PKNOX1: variants seen among roughly 807,000 people sequenced by gnomAD.
PKNOX1 encodes PBX/knotted 1 homeobox 1.
A neutral mutation model predicts 51.9 loss-of-function variants in PKNOX1; 15 were observed. The ratio of observed to expected loss-of-function variants is 0.29; its 90% CI spans 0.19 to 0.45. The LOEUF (loss-of-function observed/expected upper bound fraction) is 0.45, where lower values mean the gene tolerates loss of function less well. Ranked by LOEUF, PKNOX1 falls within the 20% of genes least tolerant of loss-of-function variation. The pLI is 1.00. For synonymous variants in PKNOX1, 219 were observed against 211.1 expected (o/e 1.04, Z -0.32); for missense variants, 462 against 547.5 (o/e 0.84, Z 1.56).
Position 43,018,469 on chromosome 21 carries a change from G to GCGCCCCCCCCCCC in PKNOX1, c.720+240_720+241insGCCCCCCCCCCCC, listed in dbSNP as rs1555862658. Reference sequence around the variant, plus strand: ...AAAAAGTCACTCATAACCACCCCCTGCCACCCACACACACACACACACACA... The same window carrying GCGCCCCCCCCCCC: ...AAAAAGTCACTCATAACCACCCCCTGCGCCCCCCCCCCCCCACCCACACACACACACACACACA... On this transcript the variant is annotated intron_variant, in intron 7 of 10. Transcript: ENST00000291547. 1.8e-4 allele frequency among the ~76,000 whole-genome samples: 2 copies of GCGCCCCCCCCCCC among 11,046 alleles called. 1 individual carries two copies. The highest frequency in any genetic ancestry group is 3.8e-4 in the Non-Finnish European group (2 of 5,284). The allele number at this position is 11,046 out of a possible 152,430, so 7.2% of individuals were successfully genotyped here. A position where few individuals can be genotyped will look rare whatever the true frequency, so the allele number is the denominator to read the frequency against.
intron 8 of PKNOX1, among the ~76,000 whole-genome samples, chr21:43,022,075 G>A (rs977158493): frequency 5.9e-5 from 9 of 152,250 alleles, no homozygotes; most frequent in African/African-American, 2.2e-4. Flanking sequence ...GGAGAGAGCA[G>A]GCGGGGCTCT....
chr21:43,018,262 GGC>G, intron 7 of PKNOX1, 32 bp downstream of exon 7: 2 of 1,430,298 alleles, frequency 1.4e-6, no homozygotes, highest in Non-Finnish European at 2.0e-6. Flanking sequence ...AGGCTTTGGG[GGC>G]GAGTGCTGCC....
In PKNOX1 at chr21:43,030,093, C is replaced by A; in HGVS notation, c.1303C>A (p.Leu435Met). ...SGLVLENSDS[L>M]Q ...GCTGGTCTTGGAGAACAGTGACTCC[C>A]TGCAGTAGGGGCAGGAGCAGACGCA... Residue 435 changes from leucine (L) to methionine (M), a missense_variant, in exon 11 of 11, where the codon CTG becomes ATG. Physicochemically the swap from Leu to Met is conservative, Grantham distance 15 (BLOSUM62 2). Around this residue, in one of 5 missense-constraint regions of PKNOX1, gnomAD observed 118 missense variants for 116.8 expected, o/e 1.01. Coordinates refer to ENST00000291547, the MANE Select transcript of PKNOX1 (RefSeq NM_004571.5). 1 of 1,597,434 alleles carries A rather than the reference C, an allele frequency of 6.3e-7. No homozygotes were observed. Among genetic ancestry groups the A allele is most frequent in the South Asian group, 1.1e-5 (1 of 90,472 alleles).
chr21:42,988,040 C>G lies in PKNOX1; in HGVS notation c.-57+13376C>G, dbSNP rs370342098. On this transcript the variant is annotated intron_variant, in intron 1 of 10. Coordinates refer to ENST00000291547, the MANE Select transcript of PKNOX1 (RefSeq NM_004571.5). ...TGTTTGCTGGTCACACCTCCCACAC[C>G]TTCAGTTCTTTTTGTTTTTGTTTTT... Among the ~76,000 whole-genome samples the G allele has an allele frequency of 5.5e-5, 8 of 146,626 alleles. No individual in the cohort carries two copies. The South Asian group carries it at 6.6e-4, about 12-fold the overall frequency.
At position 43,007,565 on chromosome 21, in the gene PKNOX1, T is replaced by C. The variant is rs374571145; in HGVS notation, c.126T>C (p.Pro42=). Residue 42 remains proline, a synonymous_variant, in exon 3 of 11, where the codon CCT becomes CCC. Coordinates refer to ENST00000291547, the MANE Select transcript of PKNOX1 (RefSeq NM_004571.5). The stretch of plus-strand genomic sequence containing the variant: ...AACCCGATGCAGAAGGAGTGAGCCC[T>C]CCCCCTGTGGAGTCTCAGACCCCGA... ...CSEPDAEGVS[P]PPVESQTPMD... is the part of the protein sequence containing the mutation. 3 of 1,613,556 alleles carry C rather than the reference T, an allele frequency of 1.9e-6. No individual in the cohort carries two copies. The East Asian group carries it at 6.7e-5, about 36-fold the overall frequency.
intron 2 of PKNOX1, among the ~76,000 whole-genome samples, chr21:43,005,404 TTTG>T (rs1271819791): frequency 2.1e-5 from 3 of 145,702 alleles, no homozygotes; most frequent in Non-Finnish European, 3.0e-5. Context: ...GGCAGAGATT[TTTG>T]TTGTTGGTGG....
rs776826322 is a variant in PKNOX1, at chr21:43,029,992, C to A, written c.1202C>A (p.Ala401Glu). The A allele has an allele frequency of 1.2e-6, 2 of 1,613,922 alleles. No homozygotes were observed. The highest frequency in any genetic ancestry group is 2.2e-5 in the South Asian group (2 of 91,092). The change falls in exon 11 of 11, where the codon GCA (alanine) becomes GAA (glutamate). Residue 401 changes from alanine (A) to glutamate (E), a missense_variant. By Grantham distance (107) the Ala-to-Glu change is moderately radical. Transcript: ENST00000291547. ...ATLAVQQVMM[A>E]GQSEDESVDS... ...CTGGCGGTGCAGCAGGTCATGATGGCAGGGCAGAGCGAGGACGAGTCTGTG... is the reference window on the plus strand; with the variant it reads ...CTGGCGGTGCAGCAGGTCATGATGGAAGGGCAGAGCGAGGACGAGTCTGTG...
chr21:43,023,954 G>A lies in PKNOX1; in HGVS notation c.850-917G>A, dbSNP rs111985019. 6.3e-3 allele frequency among the ~76,000 whole-genome samples: 943 copies of A among 148,732 alleles called. 12 individuals carry two copies. Among genetic ancestry groups the A allele is most frequent in the African/African-American group, 0.02 (786 of 40,240 alleles). On this transcript the variant is annotated intron_variant, in intron 8 of 10. Transcript: ENST00000291547. The stretch of plus-strand genomic sequence containing the variant: ...TTTCCCAGATGGCCAGGCTGGTCTC[G>A]AACTCCTGACCTCAAGTTATCCACC...
chr21:42,983,102 G>A (rs2059035129), intron 1 of PKNOX1, among the ~76,000 whole-genome samples: 1 of 61,140 alleles, frequency 1.6e-5, no homozygotes, highest in African/African-American at 6.6e-5. Flanking sequence ...GAACCACTGT[G>A]GCTGGCCTTT....
rs190751219 is a variant in PKNOX1, at chr21:42,984,696, T to G, written c.-57+10032T>G. Among the ~76,000 whole-genome samples the G allele has an allele frequency of 1.2e-3, 182 of 152,166 alleles. 2 individuals carry two copies. The Middle Eastern group carries it at 0.017, about 14-fold the overall frequency. On this transcript the variant is annotated intron_variant, in intron 1 of 10. Transcript: ENST00000291547. ...AGCCACCATGCCCGGCCAGTTCCAG[T>G]TTTTTGTATTATTTTACGGCCATGC...
At chr21:43,012,179 G>A (rs1477211676) in intron 4 of PKNOX1, among the ~76,000 whole-genome samples, 1 of 152,246 alleles carries the variant, frequency 6.6e-6, no homozygotes, top group East Asian at 1.9e-4. Flanking sequence ...TAGGCAGCTG[G>A]TGCTTATGAA....
At chr21:43,019,945 T>A (rs1979683126) in intron 7 of PKNOX1, among the ~76,000 whole-genome samples, 4 of 149,464 alleles carry the variant, frequency 2.7e-5, no homozygotes, top group Admixed American at 2.0e-4. Context: ...TTTTTTTTTT[T>A]TTTTTAAGAG....
chr21:43,010,647 C>T (rs974946675), intron 4 of PKNOX1, among the ~76,000 whole-genome samples: 7 of 151,872 alleles, frequency 4.6e-5, no homozygotes, highest in African/African-American at 7.3e-5. Flanking sequence ...GTCAGGAGTT[C>T]GAGACCAGCC....
In PKNOX1 at chr21:43,030,009, G is replaced by A. The variant is rs760258228; in HGVS notation, c.1219G>A (p.Glu407Lys). 3.1e-6 allele frequency: 5 copies of A among 1,614,020 alleles called. No individual in the cohort carries two copies. The highest frequency in any genetic ancestry group is 1.3e-5 in the African/African-American group (1 of 75,052). ...QVMMAGQSED[E>K]SVDSTEEDAG... ...CATGATGGCAGGGCAGAGCGAGGAC[G>A]AGTCTGTGGACAGCACAGAGGAGGA... The change falls in exon 11 of 11, where the codon GAG (glutamate) becomes AAG (lysine). Residue 407 changes from glutamate (E) to lysine (K), a missense_variant. By Grantham distance (56) the Glu-to-Lys change is moderately conservative (BLOSUM62 1). Around this residue, in one of 5 missense-constraint regions of PKNOX1, gnomAD observed 118 missense variants for 116.8 expected, o/e 1.01. Coordinates refer to ENST00000291547, the MANE Select transcript of PKNOX1 (RefSeq NM_004571.5).
intron 1 of PKNOX1, among the ~76,000 whole-genome samples, chr21:42,981,263 G>C (rs1028616431): frequency 6.6e-6 from 1 of 152,248 alleles, no homozygotes; most frequent in African/African-American, 2.4e-5. Flanking sequence ...TTGGTGGAAA[G>C]AGCCAGCAGG....
Position 43,032,204 on chromosome 21 carries a change from C to T in PKNOX1, c.*2103C>T, listed in dbSNP as rs762702437. On this transcript the variant is annotated 3_prime_UTR_variant, in exon 11 of 11. Transcript: ENST00000291547. ...CACCATTGCGTTCCTCATTTGTGAACTGTCTTCTCATATTTTAAGTCAAGT... is the reference window on the plus strand; with the variant it reads ...CACCATTGCGTTCCTCATTTGTGAATTGTCTTCTCATATTTTAAGTCAAGT... 4 of 450,212 alleles carry T rather than the reference C, an allele frequency of 8.9e-6. No individual in the cohort carries two copies. Among genetic ancestry groups the T allele is most frequent in the South Asian group, 1.6e-5 (1 of 64,300 alleles). 27.9% of individuals were successfully genotyped at this position (450,212 alleles called of 1,614,324 possible).
chr21:43,029,069 C>T, intron 10 of PKNOX1, 195 bp downstream of exon 10: 1 of 619,312 alleles, frequency 1.6e-6, no homozygotes, highest in South Asian at 1.9e-5. Context: ...GAGTTAGGAG[C>T]ACCAGTAGTA....
chr21:43,021,438 A>G lies in PKNOX1; in HGVS notation c.849+7A>G, dbSNP rs1453285860. The G allele has an allele frequency of 6.2e-7, 1 of 1,600,974 alleles. No individual in the cohort carries two copies. The highest frequency in any genetic ancestry group is 2.2e-5 in the East Asian group (1 of 44,458). On this transcript the variant is annotated splice_region_variant and intron_variant, in intron 8 of 10. Transcript: ENST00000291547. The surrounding 1 kb of genome is among the most constrained non-coding windows in gnomAD (Gnocchi z 4.6). ...GCTCTTCCAGCACATCGGGGTAAGG[A>G]CGGCTGGGCCAGCCCTTGCCTTGCA...
chr21:43,009,749 G>A (rs234780), intron 3 of PKNOX1, among the ~76,000 whole-genome samples: 136,787 of 152,210 alleles, frequency 0.9, 61,590 homozygotes, highest in African/African-American at 0.91. Context: ...GAATGTCTAG[G>A]AGAGGCAAAT....
Sources: gnomAD v4.1 joint callset for allele counts (sites outside exome capture counted in the v4.1 genomes callset) on GRCh38, gnomAD v4.1.1 for gene constraint, gnomAD v4.1.1 regional missense constraint, Gnocchi (gnomAD v3.1) non-coding constraint, MANE v1.5 for transcripts, NCBI Gene and HGNC (gene_info 2026-07-23, HGNC 2026-07-21) for gene names.